Variants in PEX13 observed in about 807,000 individuals in gnomAD.
The protein encoded by PEX13 is peroxisome biogenesis factor 13.
A neutral mutation model predicts 34.5 loss-of-function variants in PEX13; 28 were observed. The observed-to-expected ratio is 0.81, with a 90% CI of 0.60 to 1.11. PEX13 has a LOEUF of 1.11. PEX13 is among the 50% of genes most tolerant of loss of function. The pLI is 0.00. For synonymous variants in PEX13, 177 were observed against 175.1 expected, an observed-to-expected ratio of 1.01 and a Z score of -0.09; for missense variants, 550 against 491.0, an observed-to-expected ratio of 1.12 and a Z score of -1.13.
chr2:61,033,113 C>G (rs1253959784), intron 2 of PEX13, among the ~76,000 whole-genome samples: 1 of 152,076 alleles, frequency 6.6e-6, no homozygotes, highest in African/African-American at 2.4e-5. Flanking sequence ...TAAGATAAAT[C>G]AGTAGAAGTC....
chr2:61,029,044 G>T lies in PEX13; in HGVS notation c.93-2375G>T, dbSNP rs1680406024. On this transcript the variant is annotated intron_variant, in intron 1 of 3. Transcript: ENST00000295030. ...ACCAAAAAGTTAGCCGGGAGTGGTG[G>T]TCTCACCTACATAGGAAGCTGAGGC... 2.0e-5 allele frequency among the ~76,000 whole-genome samples: 3 copies of T among 150,570 alleles called. No individual in the cohort carries two copies. The South Asian group carries it at 6.3e-4, about 31-fold the overall frequency.
chr2:61,023,943 A>C (rs1322999053), intron 1 of PEX13, among the ~76,000 whole-genome samples: 6 of 151,838 alleles, frequency 4.0e-5, no homozygotes, highest in Non-Finnish European at 8.8e-5. Flanking sequence ...ACCACAGGTA[A>C]GTGCCACAAC....
intron 1 of PEX13, chr2:61,018,189 A>T (rs1165351136): frequency 6.4e-7 from 1 of 1,550,776 alleles, no homozygotes; most frequent in African/African-American, 1.4e-5. Context: ...TAAAGCGTAG[A>T]CTTTGGTCTG....
intron 2 of PEX13, among the ~76,000 whole-genome samples, chr2:61,043,364 A>T (rs1344489488): frequency 1.3e-5 from 2 of 152,064 alleles, no homozygotes; most frequent in Non-Finnish European, 2.9e-5. Context: ...AAATTTTCAA[A>T]AAAAAGACAG....
Position 61,046,796 on chromosome 2 carries a change from G to A in PEX13, c.913+945G>A, listed in dbSNP as rs544796536. ...TTTTTCATGGAAGGATCTATTTATG[G>A]AAACTTCACCCTTTTTTTGGTTTTA... On this transcript the variant is annotated intron_variant, in intron 3 of 3. Transcript: ENST00000295030. Among the ~76,000 whole-genome samples the A allele has an allele frequency of 3.9e-5, 6 of 152,280 alleles. No homozygotes were observed. The East Asian group carries it at 1.2e-3, about 29-fold the overall frequency.
At chr2:61,019,253 A>G (rs1680195971) in intron 1 of PEX13, among the ~76,000 whole-genome samples, 1 of 151,828 alleles carries the variant, frequency 6.6e-6, no homozygotes, top group South Asian at 2.1e-4. Flanking sequence ...TATTTTTTGT[A>G]TCTGTTTTTG....
intron 1 of PEX13, among the ~76,000 whole-genome samples, chr2:61,022,428 C>T (rs1439253179): frequency 3.9e-5 from 6 of 152,116 alleles, no homozygotes; most frequent in Non-Finnish European, 8.8e-5. Context: ...AAAAGGATAT[C>T]AGTAATTGAA....
At chr2:61,034,451 CTGGTTGGACAG>C (rs1680502067) in intron 2 of PEX13, among the ~76,000 whole-genome samples, 1 of 152,224 alleles carries the variant, frequency 6.6e-6, no homozygotes, top group African/African-American at 2.4e-5. Context: ...CTCACTGGGA[CTGGTTGGACAG>C]TGGGTACAGC....
At chr2:61,048,203 C>G (rs920708771) in intron 3 of PEX13, among the ~76,000 whole-genome samples, 5 of 152,236 alleles carry the variant, frequency 3.3e-5, no homozygotes, top group African/African-American at 1.2e-4. Flanking sequence ...AACTAAATCT[C>G]CCTACTCTAT....
chr2:61,036,313 C>A (rs1315776647), intron 2 of PEX13, among the ~76,000 whole-genome samples: 1 of 152,074 alleles, frequency 6.6e-6, no homozygotes, highest in African/African-American at 2.4e-5. Flanking sequence ...AAGAGCAACC[C>A]TAAGACACAT....
intron 2 of PEX13, among the ~76,000 whole-genome samples, chr2:61,032,946 G>T (rs1042856520): frequency 6.6e-6 from 1 of 152,150 alleles, no homozygotes; most frequent in African/African-American, 2.4e-5. Flanking sequence ...ATAATGCTGA[G>T]AAATTAGGTT....
intron 3 of PEX13, among the ~76,000 whole-genome samples, chr2:61,046,531 C>T (rs1336085536): frequency 6.6e-6 from 1 of 152,070 alleles, no homozygotes; most frequent in African/African-American, 2.4e-5. Context: ...ATAACAATAA[C>T]ATGTTATTTA....
At chr2:61,018,800 G>A (rs1027487509) in intron 1 of PEX13, 1 of 152,266 alleles carries the variant, frequency 6.6e-6, no homozygotes, top group African/African-American at 2.4e-5. Context: ...GGTAAGCCAC[G>A]GTGACATTAT....
intron 3 of PEX13, among the ~76,000 whole-genome samples, chr2:61,046,559 A>G (rs1017709183): frequency 1.3e-5 from 2 of 152,220 alleles, no homozygotes; most frequent in Admixed American, 1.3e-4. Context: ...CTTACTATGT[A>G]CAAGGTACTG....
intron 2 of PEX13, among the ~76,000 whole-genome samples, chr2:61,032,784 G>C (rs373784684): frequency 5.9e-5 from 9 of 152,170 alleles, no homozygotes; most frequent in East Asian, 1.9e-4. Context: ...TGGCATCTAA[G>C]TTAGATTTTT....
intron 2 of PEX13, among the ~76,000 whole-genome samples, chr2:61,038,896 A>C (rs1330637640): frequency 6.6e-6 from 1 of 152,222 alleles, no homozygotes; most frequent in Non-Finnish European, 1.5e-5. Context: ...CTGATAAGCA[A>C]CCTCAGCAAA....
At chr2:61,040,643 G>A (rs1680607464) in intron 2 of PEX13, among the ~76,000 whole-genome samples, 2 of 151,628 alleles carry the variant, frequency 1.3e-5, no homozygotes, top group African/African-American at 2.4e-5. Context: ...TGTAAACGAC[G>A]AGTTGATGGG....
intron 2 of PEX13, among the ~76,000 whole-genome samples, chr2:61,041,708 G>T (rs1326972950): frequency 6.6e-6 from 1 of 152,178 alleles, no homozygotes; most frequent in Non-Finnish European, 1.5e-5. Flanking sequence ...AAGTTGTTGT[G>T]GGAGATTGTC....
chr2:61,047,157 TC>T (rs1366831767), intron 3 of PEX13, among the ~76,000 whole-genome samples: 1 of 152,100 alleles, frequency 6.6e-6, no homozygotes, highest in East Asian at 1.9e-4. Context: ...TATTTTTCTT[TC>T]TTTTTTTTTT....
Sources: gnomAD v4.1 joint callset for allele counts (sites outside exome capture counted in the v4.1 genomes callset) on GRCh38, gnomAD v4.1.1 for gene constraint, MANE v1.5 for transcripts, NCBI Gene and HGNC (gene_info 2026-07-23, HGNC 2026-07-21) for gene names.